The following FPR2 variants were observed in gnomAD, a reference collection of about 807,000 sequenced individuals.
FPR2 encodes the protein formyl peptide receptor 2.
In FPR2, 3 loss-of-function variants were observed where a neutral mutation model predicts 4.0. That is an observed-to-expected ratio of 0.74 (90% confidence interval 0.34 to 1.92). The LOEUF is 1.92. Ranked by LOEUF, FPR2 falls within the 30% of genes most tolerant of loss-of-function variation. The pLI is 0.07. For synonymous variants in FPR2, 179 were observed against 171.5 expected (o/e 1.04, Z -0.34); for missense variants, 372 against 435.7 (o/e 0.85, Z 1.30).
chr19:51,766,211 G>A (rs543170269), intron 1 of FPR2, among the ~76,000 whole-genome samples: 13 of 152,292 alleles, frequency 8.5e-5, no homozygotes, highest in African/African-American at 3.1e-4. Context: ...GTGAGCCACC[G>A]TATCTGGCTG....
rs377113907 is a variant in FPR2 at position 51,765,816 on chromosome 19, G to A, written c.-14-2829G>A. 3.9e-5 allele frequency among the ~76,000 whole-genome samples: 6 copies of A among 152,116 alleles called. No homozygotes were observed. The South Asian group carries it at 1.2e-3, about 32-fold the overall frequency. ...TAGACTTCACCATAAAATTGTCCTC[G>A]TTCTGCAGAGCAGAAAACTGAGGCT... On this transcript the variant is annotated intron_variant, in intron 1 of 1. Coordinates refer to ENST00000340023, the MANE Select transcript of FPR2 (RefSeq NM_001005738.2).
In FPR2 at chr19:51,769,517, A is replaced by G. The variant is rs959115098; in HGVS notation, c.859A>G (p.Thr287Ala). 6.2e-7 allele frequency: 1 copy of G among 1,614,056 alleles called. No individual in the cohort carries two copies. The highest frequency in any genetic ancestry group is 8.5e-7 in the Non-Finnish European group (1 of 1,180,036). The change falls in exon 2 of 2, where the codon ACG (threonine) becomes GCG (alanine). Residue 287 changes from threonine (T) to alanine (A), a missense_variant. Coordinates refer to ENST00000340023, the MANE Select transcript of FPR2 (RefSeq NM_001005738.2). This position sits in a 1 kb window ranked among gnomAD's most constrained non-coding sequence, Gnocchi z 4.4. The stretch of plus-strand genomic sequence containing the variant: ...AATCATTGACATCCTGGTTAACCCA[A>G]CGAGCTCCCTGGCCTTCTTCAACAG... ...YKIIDILVNP[T>A]SSLAFFNSCL...
At position 51,769,627 on chromosome 19, in the gene FPR2, G is replaced by A; in HGVS notation, c.969G>A (p.Arg323=). The A allele has an allele frequency of 1.2e-6, 2 of 1,614,100 alleles. No homozygotes were observed. Among genetic ancestry groups the A allele is most frequent in the South Asian group, 1.1e-5 (1 of 91,084 alleles). The change falls in exon 2 of 2, where the codon AGG becomes AGA. Residue 323 remains arginine, a synonymous_variant. Coordinates refer to ENST00000340023, the MANE Select transcript of FPR2 (RefSeq NM_001005738.2). The surrounding 1 kb of genome is among the most constrained non-coding windows in gnomAD (Gnocchi z 4.4). ...LIHSLPTSLE[R]ALSEDSAPTN... Reference sequence around the variant, plus strand: ...ACTCCCTGCCCACCAGTCTGGAGAGGGCCCTGTCTGAGGACTCAGCCCCAA... The same window carrying A: ...ACTCCCTGCCCACCAGTCTGGAGAGAGCCCTGTCTGAGGACTCAGCCCCAA...
intron 1 of FPR2, among the ~76,000 whole-genome samples, chr19:51,763,905 C>T (rs372437116): frequency 4.6e-5 from 7 of 152,100 alleles, no homozygotes; most frequent in African/African-American, 1.2e-4. Flanking sequence ...ATTGCAAGCG[C>T]GTGCCATCAC....
chr19:51,768,373 T>C, intron 1 of FPR2: 1 of 367,516 alleles, frequency 2.7e-6, no homozygotes, highest in Non-Finnish European at 5.0e-6. Context: ...ACAACATAAG[T>C]TCAGTATGAG....
chr19:51,770,406 G>A lies in FPR2; in HGVS notation c.*692G>A, dbSNP rs2122370485. On this transcript the variant is annotated 3_prime_UTR_variant, in exon 2 of 2. Coordinates refer to ENST00000340023, the MANE Select transcript of FPR2 (RefSeq NM_001005738.2). ...CTACTATCCTTGCTAAGTTTTCATAGAAAATAAGGAACAAAGAGAAACTTG... is the reference window on the plus strand; with the variant it reads ...CTACTATCCTTGCTAAGTTTTCATAAAAAATAAGGAACAAAGAGAAACTTG... 6.0e-6 allele frequency: 1 copy of A among 167,064 alleles called. No individual in the cohort carries two copies. The highest frequency in any genetic ancestry group is 1.9e-4 in the East Asian group (1 of 5,198). The allele number at this position is 167,064 out of a possible 1,614,324, so 10.3% of individuals were successfully genotyped here. A position where few individuals can be genotyped will look rare whatever the true frequency, so the allele number is the denominator to read the frequency against.
intron 1 of FPR2, 45 bp from the exon 2 acceptor site, chr19:51,768,600 A>G (rs2083880259): frequency 1.4e-6 from 2 of 1,442,056 alleles, no homozygotes; most frequent in Non-Finnish European, 9.5e-7. Context: ...AGATGCTGTA[A>G]GATGGTTCCA....
chr19:51,761,571 G>T (rs1303824420), intron 1 of FPR2, among the ~76,000 whole-genome samples: 3 of 152,144 alleles, frequency 2.0e-5, no homozygotes, highest in African/African-American at 7.2e-5. Flanking sequence ...CTACTAGAAA[G>T]TTGTAAGTCA....
intron 1 of FPR2, among the ~76,000 whole-genome samples, chr19:51,766,176 C>G (rs1424770006): frequency 2.6e-5 from 4 of 152,212 alleles, no homozygotes; most frequent in Non-Finnish European, 2.9e-5. Flanking sequence ...CCCCCTTGGC[C>G]TCCCAAAGTG....
At chr19:51,766,670 C>A (rs1244396441) in intron 1 of FPR2, among the ~76,000 whole-genome samples, 1 of 152,126 alleles carries the variant, frequency 6.6e-6, no homozygotes, top group Non-Finnish European at 1.5e-5. Flanking sequence ...GTTTCCGTAT[C>A]TTGCTGCCTC....
chr19:51,765,242 G>A (rs2083861999), intron 1 of FPR2, among the ~76,000 whole-genome samples: 1 of 152,326 alleles, frequency 6.6e-6, no homozygotes, highest in Admixed American at 6.5e-5. Context: ...GAACTATGGG[G>A]TGGAAAAGGG....
At position 51,769,235 on chromosome 19, in the gene FPR2, G is replaced by A. The variant is rs2083886904; in HGVS notation, c.577G>A (p.Val193Met). The change falls in exon 2 of 2, where the codon GTG becomes ATG. Residue 193 changes from valine (V) to methionine (M), a missense_variant. Coordinates refer to ENST00000340023, the MANE Select transcript of FPR2 (RefSeq NM_001005738.2). This position sits in a 1 kb window ranked among gnomAD's most constrained non-coding sequence, Gnocchi z 4.4. ...TGGCACCCCTGAGGAGAGGCTGAAG[G>A]TGGCCATTACCATGCTGACAGCCAG... Reference protein sequence around the residue: ...WGGTPEERLKVAITMLTARGI... With the variant: ...WGGTPEERLKMAITMLTARGI... 2 of 1,614,188 alleles carry A rather than the reference G, an allele frequency of 1.2e-6. No homozygotes were observed. The highest frequency in any genetic ancestry group is 1.7e-6 in the Non-Finnish European group (2 of 1,180,034).
chr19:51,765,996 T>C (rs918457318), intron 1 of FPR2, among the ~76,000 whole-genome samples: 1 of 152,214 alleles, frequency 6.6e-6, no homozygotes, highest in Non-Finnish European at 1.5e-5. Context: ...CACGGCTCAC[T>C]GCAACCTCCG....
Position 51,769,055 on chromosome 19 carries a change from G to T in FPR2, c.397G>T (p.Ala133Ser). Residue 133 changes from alanine to serine, a missense_variant, in exon 2 of 2, where the codon GCC (alanine) becomes TCC (serine). Coordinates refer to ENST00000340023, the MANE Select transcript of FPR2 (RefSeq NM_001005738.2). This position sits in a 1 kb window ranked among gnomAD's most constrained non-coding sequence, Gnocchi z 4.4. ...RCICVLHPVW[A>S]QNHRTVSLAM... ...CATTTGTGTCCTGCATCCAGTCTGG[G>T]CCCAGAACCACCGCACTGTGAGTCT... 6.2e-7 allele frequency: 1 copy of T among 1,614,170 alleles called. No individual in the cohort carries two copies. The highest frequency in any genetic ancestry group is 8.5e-7 in the Non-Finnish European group (1 of 1,180,040).
intron 1 of FPR2, among the ~76,000 whole-genome samples, chr19:51,764,591 C>A (rs1180399134): frequency 6.6e-6 from 1 of 152,160 alleles, no homozygotes; most frequent in Non-Finnish European, 1.5e-5. Context: ...ACCTGTTACA[C>A]AAGGACAGCA....
intron 1 of FPR2, among the ~76,000 whole-genome samples, chr19:51,767,077 C>T (rs1380139046): frequency 6.6e-6 from 1 of 152,172 alleles, no homozygotes; most frequent in East Asian, 1.9e-4. Flanking sequence ...TCCTGTCCCT[C>T]CCCTCACCCT....
Position 51,768,648 on chromosome 19 carries a change from C to T in FPR2, c.-11C>T, listed in dbSNP as rs1175473823. The T allele has an allele frequency of 6.3e-7, 1 of 1,586,430 alleles. No homozygotes were observed. On this transcript the variant is annotated 5_prime_UTR_variant, in exon 2 of 2. Transcript: ENST00000340023. ...GGCCATTGTTGGAATGTTTCAGGTG[C>T]TGCTGGCAAGATGGAAACCAACTTC...
Position 51,769,828 on chromosome 19 carries a change from T to C in FPR2, c.*114T>C, listed in dbSNP as rs527704200. On this transcript the variant is annotated 3_prime_UTR_variant, in exon 2 of 2. Transcript: ENST00000340023. The surrounding 1 kb of genome is among the most constrained non-coding windows in gnomAD (Gnocchi z 4.4). ...CAAGGATGCACAGCTCAAGTATTTA[T>C]TCAGGAAAAATGCTTTTGTGTCCCT... 58 of 869,532 alleles carry C rather than the reference T, an allele frequency of 6.7e-5. 1 individual carries two copies. In the East Asian group the frequency reaches 1.4e-3, roughly 21 times the overall value. The allele number at this position is 869,532 out of a possible 1,614,324, so 53.9% of individuals were successfully genotyped here. A position where few individuals can be genotyped will look rare whatever the true frequency, so the allele number is the denominator to read the frequency against.
Position 51,768,968 on chromosome 19 carries a change from G to A in FPR2, c.310G>A (p.Val104Met), listed in dbSNP as rs199862216. 4.9e-5 allele frequency: 79 copies of A among 1,614,128 alleles called. No homozygotes were observed. Among genetic ancestry groups the A allele is most frequent in the Middle Eastern group, 1.6e-4 (1 of 6,062 alleles). The change falls in exon 2 of 2, where the codon GTG (valine) becomes ATG (methionine). Residue 104 changes from valine (V) to methionine (M), a missense_variant. By Grantham distance (21) the Val-to-Met change is conservative (BLOSUM62 1). Transcript: ENST00000340023. ...GTTCCTGTGTAAGTTAATTCACATCGTGGTGGACATCAACCTCTTTGGAAG... is the reference window on the plus strand; with the variant it reads ...GTTCCTGTGTAAGTTAATTCACATCATGGTGGACATCAACCTCTTTGGAAG... ...GWFLCKLIHI[V>M]VDINLFGSVF...
Sources: allele counts gnomAD v4.1 joint callset (sites outside exome capture counted in the v4.1 genomes callset), GRCh38; gene constraint gnomAD v4.1.1; non-coding constraint Gnocchi (gnomAD v3.1); transcripts MANE v1.5; gene names NCBI Gene and HGNC (gene_info 2026-07-23, HGNC 2026-07-21).